Variants in TCF4 observed in about 807,000 individuals in gnomAD.
TCF4 encodes SL3-3 enhancer factor 2.
In TCF4, 3 loss-of-function variants were observed where a neutral mutation model predicts 82.1. The observed-to-expected ratio is 0.04, with a 90% CI of 0.02 to 0.09. The LOEUF (loss-of-function observed/expected upper bound fraction) is 0.09, where lower values mean the gene tolerates loss of function less well. TCF4 is among the 10% of genes least tolerant of loss of function. The probability of loss-of-function intolerance (pLI) is 1.00; values close to 1 mark genes in which losing one functional copy is unlikely to be tolerated. For synonymous variants in TCF4, 276 were observed against 309.6 expected, an observed-to-expected ratio of 0.89 and a Z score of 1.14; for missense variants, 518 against 852.7, an observed-to-expected ratio of 0.61 and a Z score of 4.89.
chr18:55,401,579 C>T, intron 6 of TCF4: 1 of 987,806 alleles, frequency 1.0e-6, no homozygotes, highest in Non-Finnish European at 1.2e-6. Flanking sequence ...CCACTTCTCA[C>T]CTTGTGTTTG....
chr18:55,340,172 T>C, intron 8 of TCF4, among the ~76,000 whole-genome samples: 1 of 152,114 alleles, frequency 6.6e-6, no homozygotes, highest in South Asian at 2.1e-4. Flanking sequence ...AAAGCACGTA[T>C]CTCCTTATCA....
intron 3 of TCF4, among the ~76,000 whole-genome samples, chr18:55,559,879 G>A (rs969985132): frequency 2.6e-5 from 4 of 152,088 alleles, no homozygotes; most frequent in East Asian, 3.9e-4. Context: ...GCTGCCTCCT[G>A]AAGCAAGAAA....
intron 6 of TCF4, among the ~76,000 whole-genome samples, chr18:55,352,958 G>C (rs1000800652): frequency 4.6e-5 from 7 of 152,152 alleles, no homozygotes; most frequent in African/African-American, 7.2e-5. Flanking sequence ...TCATTGGAAA[G>C]AGGAGTTTGA....
intron 13 of TCF4, among the ~76,000 whole-genome samples, chr18:55,258,799 A>G (rs886767057): frequency 6.6e-6 from 1 of 152,170 alleles, no homozygotes; most frequent in African/African-American, 2.4e-5. Context: ...ATCATTTTTC[A>G]GAGTGTAAGA....
At chr18:55,529,597 A>G (rs2097034602) in intron 3 of TCF4, among the ~76,000 whole-genome samples, 1 of 152,100 alleles carries the variant, frequency 6.6e-6, no homozygotes, top group Admixed American at 6.6e-5. Context: ...ATTGTTTTAG[A>G]TCAGTTTTCA....
At chr18:55,235,820 T>C (rs2049194309) in intron 15 of TCF4, among the ~76,000 whole-genome samples, 1 of 151,052 alleles carries the variant, frequency 6.6e-6, no homozygotes, top group African/African-American at 2.4e-5. Context: ...TATTTTTTTT[T>C]CCAGTCAAAA....
In TCF4 at chr18:55,633,245, A is replaced by G. The variant is rs960353352; in HGVS notation, c.196-1857T>C. Among the ~76,000 whole-genome samples the G allele has an allele frequency of 2.0e-5, 3 of 152,210 alleles. No homozygotes were observed. The highest frequency in any genetic ancestry group is 7.2e-5 in the African/African-American group (3 of 41,454). On this transcript the variant is annotated intron_variant, in intron 1 of 20. Transcript: ENST00000398339. This position sits in a 1 kb window ranked among gnomAD's most constrained non-coding sequence, Gnocchi z 4.0. ...GCAAGTTCCTCTAAAGGATTGACCA[A>G]GCCTGCAGTATCAGCTTCTAAGGTG...
chr18:55,358,522 T>G (rs1603332701), intron 6 of TCF4, among the ~76,000 whole-genome samples: 1 of 152,194 alleles, frequency 6.6e-6, no homozygotes, highest in Admixed American at 6.5e-5. Context: ...CAAACCCCAA[T>G]GTACAGATGG....
chr18:55,577,759 C>T (rs73960143), intron 3 of TCF4, among the ~76,000 whole-genome samples: 87 of 152,166 alleles, frequency 5.7e-4, no homozygotes, highest in African/African-American at 2.1e-3. Flanking sequence ...AAGATTAAAG[C>T]AAAGCAGAAC....
At chr18:55,472,492 C>T (rs955741474) in intron 3 of TCF4, among the ~76,000 whole-genome samples, 1 of 152,132 alleles carries the variant, frequency 6.6e-6, no homozygotes, top group African/African-American at 2.4e-5. Context: ...TAGCTGGGGT[C>T]TTCCTCTTGA....
At chr18:55,624,086 T>G (rs1260729812) in intron 2 of TCF4, among the ~76,000 whole-genome samples, 1 of 152,162 alleles carries the variant, frequency 6.6e-6, no homozygotes, top group East Asian at 1.9e-4. Flanking sequence ...TCAGGTAACT[T>G]AGACATTAAT....
rs573834772 is a variant in TCF4, at chr18:55,422,537, A to G, written c.305-19019T>C. The G allele has an allele frequency of 4.4e-4, 379 of 861,464 alleles. 1 individual carries two copies. The highest frequency in any genetic ancestry group is 3.9e-4 in the Non-Finnish European group (281 of 717,562). 53.4% of individuals were successfully genotyped at this position (861,464 alleles called of 1,614,324 possible). On this transcript the variant is annotated intron_variant, in intron 5 of 19. Coordinates refer to ENST00000354452, the MANE Select transcript of TCF4 (RefSeq NM_001083962.2). ...TAGTTCTTAGGCTAACACTCATCACATGTTTCCTATGATGGAAATTTAGGG... is the reference window on the plus strand; with the variant it reads ...TAGTTCTTAGGCTAACACTCATCACGTGTTTCCTATGATGGAAATTTAGGG...
At chr18:55,610,542 C>G (rs746176264) in intron 2 of TCF4, among the ~76,000 whole-genome samples, 25 of 152,138 alleles carry the variant, frequency 1.6e-4, no homozygotes, top group Non-Finnish European at 2.8e-4. Flanking sequence ...TTCTGGGCCA[C>G]TAATCAAAAG....
At chr18:55,354,942 C>A (rs1049071647) in intron 6 of TCF4, among the ~76,000 whole-genome samples, 1 of 152,168 alleles carries the variant, frequency 6.6e-6, no homozygotes, top group Non-Finnish European at 1.5e-5. Context: ...GTATCAGACA[C>A]AACATCTTGG....
intron 8 of TCF4, among the ~76,000 whole-genome samples, chr18:55,310,761 T>TAA (rs1306946683): frequency 6.6e-6 from 1 of 152,212 alleles, no homozygotes. Context: ...ACAATGTCCG[T>TAA]AATGCCAAAA....
At chr18:55,535,163 G>C (rs184927697) in intron 3 of TCF4, among the ~76,000 whole-genome samples, 214 of 152,344 alleles carry the variant, frequency 1.4e-3, no homozygotes, top group African/African-American at 4.7e-3. Flanking sequence ...CTGTGTTCCA[G>C]TAGTCAGCTA....
intron 6 of TCF4, among the ~76,000 whole-genome samples, chr18:55,358,013 G>A (rs2084025903): frequency 6.6e-6 from 1 of 152,124 alleles, no homozygotes; most frequent in African/African-American, 2.4e-5. Context: ...GCTATGCACA[G>A]CTTCAAGCCA....
intron 5 of TCF4, among the ~76,000 whole-genome samples, chr18:55,421,468 T>C (rs2094753525): frequency 6.6e-6 from 1 of 152,232 alleles, no homozygotes; most frequent in South Asian, 2.1e-4. Context: ...ACAAGGCGTA[T>C]TATAATCTTT....
chr18:55,448,343 A>G (rs1421376463), intron 5 of TCF4, among the ~76,000 whole-genome samples: 4 of 152,212 alleles, frequency 2.6e-5, no homozygotes, highest in Non-Finnish European at 4.4e-5. Flanking sequence ...TATATATTCT[A>G]TTACAGCCTT....
Sources: allele counts gnomAD v4.1 joint callset (sites outside exome capture counted in the v4.1 genomes callset), GRCh38; gene constraint gnomAD v4.1.1; non-coding constraint Gnocchi (gnomAD v3.1); transcripts MANE v1.5; gene names NCBI Gene and HGNC (gene_info 2026-07-23, HGNC 2026-07-21).